Variants in CDKAL1 observed in about 807,000 individuals in gnomAD.
CDKAL1 encodes CDKAL1 threonylcarbamoyladenosine tRNA methylthiotransferase.
CDKAL1 carries 32 observed loss-of-function variants against 68.2 expected under a neutral mutation model. The observed-to-expected ratio is 0.47, with a 90% confidence interval of 0.35 to 0.63. CDKAL1 has a LOEUF of 0.63. CDKAL1 is among the 30% of genes least tolerant of loss of function. CDKAL1 has a pLI of 0.00. For synonymous variants in CDKAL1, 234 were observed against 244.3 expected (o/e 0.96, Z 0.39); for missense variants, 606 against 696.7 (o/e 0.87, Z 1.47).
chr6:20,819,465 A>C (rs1034244250), intron 8 of CDKAL1, among the ~76,000 whole-genome samples: 1 of 152,102 alleles, frequency 6.6e-6, no homozygotes, highest in Non-Finnish European at 1.5e-5. Context: ...TATTGGCAAA[A>C]TGTGTTTTTG....
At chr6:20,747,902 G>A (rs1011613208) in intron 6 of CDKAL1, among the ~76,000 whole-genome samples, 1 of 152,142 alleles carries the variant, frequency 6.6e-6, no homozygotes, top group Non-Finnish European at 1.5e-5. Context: ...CAAAAAATCA[G>A]TGCCAAGGCC....
At chr6:21,189,890 G>A (rs561330785) in intron 13 of CDKAL1, among the ~76,000 whole-genome samples, 4 of 152,122 alleles carry the variant, frequency 2.6e-5, no homozygotes, top group East Asian at 1.9e-4. Flanking sequence ...ACCCAGCATC[G>A]CGTGCTCTGC....
At chr6:20,642,300 A>G (rs1466049488) in intron 4 of CDKAL1, among the ~76,000 whole-genome samples, 1 of 152,168 alleles carries the variant, frequency 6.6e-6, no homozygotes, top group African/African-American at 2.4e-5. Flanking sequence ...TGAAGAAACG[A>G]TAAAAAAGTA....
At chr6:20,560,482 A>G (rs1764224930) in intron 4 of CDKAL1, among the ~76,000 whole-genome samples, 1 of 152,202 alleles carries the variant, frequency 6.6e-6, no homozygotes, top group Admixed American at 6.5e-5. Context: ...CTTTGTCCAT[A>G]GGAGCATATG....
At chr6:21,055,833 C>T (rs907330711) in intron 11 of CDKAL1, among the ~76,000 whole-genome samples, 1 of 152,046 alleles carries the variant, frequency 6.6e-6, no homozygotes, top group Non-Finnish European at 1.5e-5. Context: ...AATGAACATA[C>T]GTTTGCATGT....
chr6:20,824,517 A>G (rs767391103), intron 8 of CDKAL1, among the ~76,000 whole-genome samples: 1 of 152,158 alleles, frequency 6.6e-6, no homozygotes, highest in East Asian at 1.9e-4. Context: ...CTATTGGATT[A>G]TGGGCCTCAG....
chr6:21,060,135 T>A (rs1241870720), intron 11 of CDKAL1, among the ~76,000 whole-genome samples: 2 of 152,360 alleles, frequency 1.3e-5, no homozygotes, highest in East Asian at 3.9e-4. Context: ...AAATGTTTGG[T>A]AGAATTCACC....
At chr6:20,785,463 A>C (rs12210336) in intron 8 of CDKAL1, among the ~76,000 whole-genome samples, 1 of 151,654 alleles carries the variant, frequency 6.6e-6, no homozygotes, top group African/African-American at 2.4e-5. Context: ...CTTCAGGCAC[A>C]CGCCACCACA....
At chr6:21,143,325 G>T (rs1019849175) in intron 13 of CDKAL1, among the ~76,000 whole-genome samples, 4 of 151,952 alleles carry the variant, frequency 2.6e-5, no homozygotes, top group African/African-American at 9.7e-5. Context: ...TAGTCTGTAG[G>T]TTTTTTTTCT....
At chr6:20,992,883 C>G (rs959212568) in intron 10 of CDKAL1, among the ~76,000 whole-genome samples, 2 of 138,138 alleles carry the variant, frequency 1.4e-5, no homozygotes, top group South Asian at 4.6e-4. Context: ...GCCTGGGCAA[C>G]AGAATGAGAC....
intron 9 of CDKAL1, among the ~76,000 whole-genome samples, chr6:20,901,895 G>A (rs571339132): frequency 2.5e-4 from 38 of 151,854 alleles, no homozygotes; most frequent in African/African-American, 8.7e-4. Flanking sequence ...TCATGCCTCA[G>A]CCTCCTAAGT....
chr6:20,879,968 G>C (rs1238917215), intron 9 of CDKAL1, among the ~76,000 whole-genome samples: 2 of 152,176 alleles, frequency 1.3e-5, no homozygotes, highest in Non-Finnish European at 2.9e-5. Flanking sequence ...TGAGAAGACT[G>C]TGTTTTATTT....
At chr6:20,948,557 G>GTAC (rs1325470753) in intron 9 of CDKAL1, among the ~76,000 whole-genome samples, 2 of 152,278 alleles carry the variant, frequency 1.3e-5, no homozygotes, top group Non-Finnish European at 2.9e-5. Context: ...TGAGAACAGT[G>GTAC]TACTGCATTG....
chr6:20,997,180 C>T (rs960530806), intron 10 of CDKAL1, among the ~76,000 whole-genome samples: 4 of 152,114 alleles, frequency 2.6e-5, no homozygotes, highest in African/African-American at 9.7e-5. Flanking sequence ...TCTGGAGATT[C>T]ATTATTGTAT....
At chr6:21,218,727 C>G (rs1779427779) in intron 15 of CDKAL1, among the ~76,000 whole-genome samples, 1 of 150,984 alleles carries the variant, frequency 6.6e-6, no homozygotes, top group Non-Finnish European at 1.5e-5. Context: ...AGCAAGCAAG[C>G]AGAGAGAGAG....
chr6:21,176,568 A>G (rs1447616570), intron 13 of CDKAL1, among the ~76,000 whole-genome samples: 1 of 152,158 alleles, frequency 6.6e-6, no homozygotes, highest in Non-Finnish European at 1.5e-5. Context: ...CCGCCTGCAC[A>G]TGAAGGATAG....
intron 5 of CDKAL1, among the ~76,000 whole-genome samples, chr6:20,710,583 C>T (rs1398704588): frequency 6.6e-6 from 1 of 152,160 alleles, no homozygotes; most frequent in African/African-American, 2.4e-5. Context: ...TTAGAACTGA[C>T]TTCCCTTTAA....
intron 15 of CDKAL1, among the ~76,000 whole-genome samples, chr6:21,226,705 T>TTTTTG (rs575298824): frequency 3.9e-5 from 6 of 152,088 alleles, no homozygotes; most frequent in African/African-American, 4.8e-5. Context: ...GTTGTTGCTG[T>TTTTTG]TTTTGTTTTG....
At chr6:20,765,967 C>T (rs1379963051) in intron 7 of CDKAL1, among the ~76,000 whole-genome samples, 1 of 152,120 alleles carries the variant, frequency 6.6e-6, no homozygotes, top group Non-Finnish European at 1.5e-5. Flanking sequence ...TGGTCAAGTT[C>T]ACTGGGTTTT....
Sources: allele counts gnomAD v4.1 joint callset (sites outside exome capture counted in the v4.1 genomes callset), GRCh38; gene constraint gnomAD v4.1.1; transcripts MANE v1.5; gene names NCBI Gene and HGNC (gene_info 2026-07-23, HGNC 2026-07-21).